The following GSAP variants were observed in gnomAD, a reference collection of about 807,000 sequenced individuals.
GSAP encodes gamma-secretase activating protein.
A neutral mutation model predicts 131.7 loss-of-function variants in GSAP; 118 were observed. The ratio of observed to expected loss-of-function variants is 0.90; its 90% CI spans 0.77 to 1.04. GSAP has a LOEUF of 1.04. Among genes scored for constraint, GSAP ranks in the 50% least tolerant of loss-of-function variants. The pLI is 0.00. For missense variants in GSAP, 1,019 were observed against 1,013.2 expected (o/e 1.01, Z -0.08); for synonymous variants, 381 against 363.4 (o/e 1.05, Z -0.55).
intron 22 of GSAP, 61 bp downstream of exon 22, chr7:77,328,545 C>T: frequency 6.3e-7 from 1 of 1,582,040 alleles, no homozygotes; most frequent in South Asian, 1.2e-5. Flanking sequence ...GTAGGAAGAA[C>T]AGTGCTACAA....
intron 12 of GSAP, among the ~76,000 whole-genome samples, chr7:77,372,749 AC>A (rs1796322517): frequency 6.6e-6 from 1 of 152,196 alleles, no homozygotes; most frequent in South Asian, 2.1e-4. Flanking sequence ...AACAAAAAAT[AC>A]CCTTCAATGA....
intron 24 of GSAP, among the ~76,000 whole-genome samples, chr7:77,322,585 T>C (rs946659367): frequency 7.8e-6 from 1 of 128,446 alleles, no homozygotes; most frequent in Admixed American, 7.5e-5. Context: ...GTTGTGAGTT[T>C]TTTTTTTTTT....
At chr7:77,371,402 C>T (rs1418003137) in intron 12 of GSAP, among the ~76,000 whole-genome samples, 1 of 151,378 alleles carries the variant, frequency 6.6e-6, no homozygotes, top group African/African-American at 2.4e-5. Flanking sequence ...TTTTCTCTTG[C>T]CTTCTCCAAT....
At chr7:77,409,157 A>G (rs1452734422) in intron 1 of GSAP, among the ~76,000 whole-genome samples, 1 of 152,146 alleles carries the variant, frequency 6.6e-6, no homozygotes, top group East Asian at 1.9e-4. Context: ...AAGGATAATA[A>G]TTTGGTCTCT....
At chr7:77,384,317 T>A (rs1798222274) in intron 6 of GSAP, among the ~76,000 whole-genome samples, 2 of 152,298 alleles carry the variant, frequency 1.3e-5, no homozygotes, top group Admixed American at 1.3e-4. Context: ...GGTCTTCCTG[T>A]GACAATCAGG....
intron 4 of GSAP, 69 bp from the exon 5 acceptor site, chr7:77,397,104 T>A: frequency 9.5e-7 from 1 of 1,049,524 alleles, no homozygotes; most frequent in Non-Finnish European, 1.4e-6. Context: ...TTTACCAGTT[T>A]AAACCTGAAA....
rs536192116 is a variant in GSAP, at chr7:77,385,332, C to A, written c.456+2028G>T. ...TATAGGCATGAGCCACTGCGCCCAG[C>A]CACTTTTAACTTTTTAAAACTGAGT... On this transcript the variant is annotated intron_variant, in intron 6 of 30. Coordinates refer to ENST00000257626, the MANE Select transcript of GSAP (RefSeq NM_017439.4). Among the ~76,000 whole-genome samples the A allele has an allele frequency of 3.9e-5, 6 of 152,282 alleles. No individual in the cohort carries two copies. In the East Asian group the frequency reaches 9.6e-4, roughly 24 times the overall value.
chr7:77,383,845 C>T (rs1196361964), intron 6 of GSAP, among the ~76,000 whole-genome samples: 10 of 152,210 alleles, frequency 6.6e-5, no homozygotes, highest in Non-Finnish European at 1.3e-4. Flanking sequence ...ATTAGTCTCA[C>T]TAAACTTAGG....
chr7:77,376,793 AAAG>A lies in GSAP; in HGVS notation c.741+52_741+54del, dbSNP rs1213124476. 5.0e-5 allele frequency: 35 copies of A among 701,738 alleles called. No individual in the cohort carries two copies. In the East Asian group the frequency reaches 5.7e-4, roughly 11 times the overall value. 43.5% of individuals were successfully genotyped at this position (701,738 alleles called of 1,614,324 possible). On this transcript the variant is annotated intron_variant, in intron 10 of 30. Transcript: ENST00000257626. ...TCCATCTCAAAAAAAAAAAAAAAAA[AAAG>A]AGAGTAATGTATCATAAACTTTCCT...
Position 77,390,946 on chromosome 7 carries a change from T to TTAAAAAAAAAA in GSAP, c.368-3499_368-3498insTTTTTTTTTTA, listed in dbSNP as rs71531149. Among the ~76,000 whole-genome samples, 5 of 37,944 alleles carry TTAAAAAAAAAA rather than the reference T, an allele frequency of 1.3e-4. 1 individual carries two copies. Among genetic ancestry groups the TTAAAAAAAAAA allele is most frequent in the African/African-American group, 4.9e-4 (5 of 10,294 alleles). The allele number at this position is 37,944 out of a possible 152,430, so 24.9% of individuals were successfully genotyped here. A position where few individuals can be genotyped will look rare whatever the true frequency, so the allele number is the denominator to read the frequency against. ...CCTGGTGACAGAGCGAGACTCCGTC[T>TTAAAAAAAAAA]AAAAAAAAAAAAAAAAAAAAAAAAA... On this transcript the variant is annotated intron_variant, in intron 5 of 30. Coordinates refer to ENST00000257626, the MANE Select transcript of GSAP (RefSeq NM_017439.4).
chr7:77,336,016 C>T (rs1044269133), intron 19 of GSAP, among the ~76,000 whole-genome samples: 2 of 152,194 alleles, frequency 1.3e-5, no homozygotes, highest in Non-Finnish European at 1.5e-5. Context: ...ATACACAGGG[C>T]AAATGACCAG....
At chr7:77,355,807 A>ATTTTTT (rs1793628752) in intron 14 of GSAP, among the ~76,000 whole-genome samples, 160 bp from the exon 15 acceptor site, 1 of 129,686 alleles carries the variant, frequency 7.7e-6, no homozygotes, top group African/African-American at 3.1e-5. Context: ...TTTTTTTTTT[A>ATTTTTT]AGACAGGGTC....
At chr7:77,413,388 T>C (rs541492216) in intron 1 of GSAP, among the ~76,000 whole-genome samples, 2 of 152,306 alleles carry the variant, frequency 1.3e-5, no homozygotes, top group African/African-American at 2.4e-5. Context: ...AGGCAATCCC[T>C]GAAGGGGCTG....
chr7:77,333,853 C>A (rs148414820), intron 19 of GSAP, among the ~76,000 whole-genome samples: 79 of 152,210 alleles, frequency 5.2e-4, no homozygotes, highest in African/African-American at 1.5e-3. Flanking sequence ...TGAATCTGCA[C>A]AATCCCAAGA....
intron 14 of GSAP, among the ~76,000 whole-genome samples, chr7:77,357,459 G>C (rs1280257207): frequency 6.6e-6 from 1 of 152,096 alleles, no homozygotes; most frequent in East Asian, 1.9e-4. Flanking sequence ...CTAGAGAAGA[G>C]AAGACGACCA....
At chr7:77,342,538 T>G (rs569508076) in intron 19 of GSAP, among the ~76,000 whole-genome samples, 15 of 150,230 alleles carry the variant, frequency 1.0e-4, no homozygotes, top group African/African-American at 3.2e-4. Context: ...TTTTCCCTAG[T>G]TCAAAGCCTC....
At chr7:77,346,869 G>GA (rs1299180432) in intron 19 of GSAP, among the ~76,000 whole-genome samples, 2 of 94,888 alleles carry the variant, frequency 2.1e-5, no homozygotes, top group East Asian at 6.6e-4. Context: ...CTAGTCTCGG[G>GA]AAACTCTCTC....
chr7:77,381,964 C>T (rs1797872372), intron 7 of GSAP, among the ~76,000 whole-genome samples: 1 of 150,592 alleles, frequency 6.6e-6, no homozygotes, highest in Non-Finnish European at 1.5e-5. Flanking sequence ...AGCCTTACCC[C>T]TCAAGCCTGT....
At position 77,404,503 on chromosome 7, in the gene GSAP, G is replaced by GA. The variant is rs1182758130; in HGVS notation, c.243+55dup. 2.9e-4 allele frequency: 248 copies of GA among 848,118 alleles called. 1 individual carries two copies. Among genetic ancestry groups the GA allele is most frequent in the Admixed American group, 4.2e-4 (19 of 45,234 alleles). 52.5% of individuals were successfully genotyped at this position (848,118 alleles called of 1,614,324 possible). On this transcript the variant is annotated intron_variant, in intron 3 of 30. Coordinates refer to ENST00000257626, the MANE Select transcript of GSAP (RefSeq NM_017439.4). The stretch of plus-strand genomic sequence containing the variant: ...GAATTTATATCTAGAAAAAGGAGGA[G>GA]ACAAAGAAAACTCTAAAGGCAGTAA...
Sources: allele counts gnomAD v4.1 joint callset (sites outside exome capture counted in the v4.1 genomes callset), GRCh38; gene constraint gnomAD v4.1.1; transcripts MANE v1.5; gene names NCBI Gene and HGNC (gene_info 2026-07-23, HGNC 2026-07-21).